The following UNC13C variants were observed in gnomAD, a reference collection of about 807,000 sequenced individuals.
The protein encoded by UNC13C is protein unc-13 homolog C.
Under a neutral mutation model 245.4 loss-of-function variants are expected in UNC13C, and 174 were observed. The ratio of observed to expected loss-of-function variants is 0.71; its 90% CI spans 0.63 to 0.80. The LOEUF is 0.80. UNC13C is among the 30% of genes least tolerant of loss of function. UNC13C has a pLI of 0.00. For synonymous variants in UNC13C, 992 were observed against 895.1 expected, an observed-to-expected ratio of 1.11 and a Z score of -1.93; for missense variants, 2,829 against 2,602.9, an observed-to-expected ratio of 1.09 and a Z score of -1.89.
intron 2 of UNC13C, among the ~76,000 whole-genome samples, chr15:54,023,953 CAG>C (rs1419865056): frequency 6.6e-6 from 1 of 152,140 alleles, no homozygotes; most frequent in Non-Finnish European, 1.5e-5. Context: ...TCTTCAAGCT[CAG>C]AGACATATTT....
At chr15:53,921,984 A>T in the UNC13C span, among the ~76,000 whole-genome samples, 14 of 152,316 alleles carry the variant, frequency 9.2e-5, no homozygotes, top group East Asian at 2.7e-3. Context: ...TGTGACTAGG[A>T]TTTCAAAAGT....
chr15:54,086,737 C>T (rs114128021), intron 2 of UNC13C, among the ~76,000 whole-genome samples: 25 of 92,006 alleles, frequency 2.7e-4, no homozygotes, highest in South Asian at 8.3e-4. Flanking sequence ...TATTTTCTTT[C>T]TTTTTTTTTT....
At chr15:54,161,927 T>G (rs1419852000) in intron 4 of UNC13C, among the ~76,000 whole-genome samples, 1 of 150,616 alleles carries the variant, frequency 6.6e-6, no homozygotes, top group Non-Finnish European at 1.5e-5. Flanking sequence ...CAGTCTGGGC[T>G]ACAGAGAGGG....
the UNC13C span, among the ~76,000 whole-genome samples, chr15:53,933,432 T>C: frequency 1.2e-4 from 18 of 152,206 alleles, no homozygotes; most frequent in African/African-American, 4.3e-4. Context: ...ATCAAAACGA[T>C]GGTATTACTA....
chr15:54,050,715 C>G, intron 2 of UNC13C: 1 of 563,630 alleles, frequency 1.8e-6, no homozygotes, highest in South Asian at 1.4e-5. Context: ...TAAATATCAT[C>G]AGGAAGCTTT....
intron 4 of UNC13C, among the ~76,000 whole-genome samples, chr15:54,184,767 C>G (rs899425458): frequency 6.6e-6 from 1 of 152,136 alleles, no homozygotes; most frequent in African/African-American, 2.4e-5. Context: ...ATTTATAATC[C>G]TTTGGGTATA....
intron 24 of UNC13C, among the ~76,000 whole-genome samples, chr15:54,522,429 G>T (rs1400916695): frequency 1.3e-5 from 2 of 152,032 alleles, no homozygotes; most frequent in Admixed American, 1.3e-4. Context: ...AGTGAGCCAA[G>T]ATCGGGCCAC....
chr15:54,119,624 A>G (rs2030524843), intron 2 of UNC13C, among the ~76,000 whole-genome samples: 1 of 152,306 alleles, frequency 6.6e-6, no homozygotes, highest in Non-Finnish European at 1.5e-5. Flanking sequence ...CTCACTTTAA[A>G]TTGAAAACTA....
intron 2 of UNC13C, among the ~76,000 whole-genome samples, chr15:54,075,298 A>T (rs1029171529): frequency 6.6e-6 from 1 of 152,040 alleles, no homozygotes; most frequent in Admixed American, 6.6e-5. Flanking sequence ...ACCCTGGCTA[A>T]CACGGCGAAA....
At chr15:53,966,292 G>A in the UNC13C span, among the ~76,000 whole-genome samples, 1 of 152,092 alleles carries the variant, frequency 6.6e-6, no homozygotes, top group African/African-American at 2.4e-5. Flanking sequence ...TCTATAACAA[G>A]GCACCTGATA....
chr15:54,183,466 C>T (rs2033866544), intron 4 of UNC13C, among the ~76,000 whole-genome samples: 1 of 151,422 alleles, frequency 6.6e-6, no homozygotes, highest in African/African-American at 2.4e-5. Flanking sequence ...CAAAAACTTT[C>T]ATATATATAT....
chr15:54,620,524 C>T (rs1596694364), intron 30 of UNC13C, among the ~76,000 whole-genome samples: 1 of 152,096 alleles, frequency 6.6e-6, no homozygotes, highest in Non-Finnish European at 1.5e-5. Context: ...ATTAGTTACT[C>T]GTGCTGCGAG....
At position 54,627,426 on chromosome 15, in the gene UNC13C, C is replaced by CATCA; in HGVS notation, c.*314_*317dup. 1 of 200,008 alleles carries CATCA rather than the reference C, an allele frequency of 5.0e-6. No homozygotes were observed. 12.4% of individuals were successfully genotyped at this position (200,008 alleles called of 1,614,324 possible). ...TAAAAACTAGTCTTTTGAGTTTGCC[C>CATCA]ATCAGTTGTCTTTGTTAAATGAGAT... On this transcript the variant is annotated 3_prime_UTR_variant, in exon 33 of 33. Transcript: ENST00000260323.
chr15:54,530,173 G>A (rs1305975189), intron 25 of UNC13C, among the ~76,000 whole-genome samples: 5 of 152,130 alleles, frequency 3.3e-5, no homozygotes, highest in African/African-American at 1.2e-4. Context: ...TAATTACCAT[G>A]TAAAAATTAT....
Position 54,018,937 on chromosome 15 carries a change from A to G in UNC13C, c.2983+3051A>G, listed in dbSNP as rs554374915. On this transcript the variant is annotated intron_variant, in intron 2 of 32. Coordinates refer to ENST00000260323, the MANE Select transcript of UNC13C (RefSeq NM_001080534.3). The stretch of plus-strand genomic sequence containing the variant: ...GGTGGGATACTAAATAAAAAAACAC[A>G]AACTTTAAAGTCAAATCCAAATTCA... Among the ~76,000 whole-genome samples the G allele has an allele frequency of 2.0e-5, 3 of 152,332 alleles. No homozygotes were observed. In the East Asian group the frequency reaches 5.8e-4, roughly 29 times the overall value.
intron 2 of UNC13C, among the ~76,000 whole-genome samples, chr15:54,075,082 A>G (rs905699090): frequency 2.0e-5 from 3 of 152,166 alleles, no homozygotes; most frequent in Non-Finnish European, 4.4e-5. Context: ...TGCAATTTCT[A>G]TATCTGTAAA....
intron 19 of UNC13C, among the ~76,000 whole-genome samples, chr15:54,487,788 AAGAC>A (rs1427190023): frequency 2.7e-4 from 21 of 77,402 alleles, no homozygotes; most frequent in Admixed American, 1.6e-4. Context: ...AAAAAAAAAA[AAGAC>A]AGAGAGAGAG....
chr15:54,166,688 AT>A (rs1294579523), intron 4 of UNC13C, among the ~76,000 whole-genome samples: 1 of 152,118 alleles, frequency 6.6e-6, no homozygotes, highest in Non-Finnish European at 1.5e-5. Context: ...ATCAAAATCA[AT>A]TTTTTTATCA....
At chr15:54,516,653 A>G (rs1894988657) in intron 24 of UNC13C, among the ~76,000 whole-genome samples, 1 of 152,178 alleles carries the variant, frequency 6.6e-6, no homozygotes, top group South Asian at 2.1e-4. Context: ...ACCAAAAATT[A>G]GCCAGGCATG....
Sources: gnomAD v4.1 joint callset for allele counts (sites outside exome capture counted in the v4.1 genomes callset) on GRCh38, gnomAD v4.1.1 for gene constraint, MANE v1.5 for transcripts, NCBI Gene and HGNC (gene_info 2026-07-23, HGNC 2026-07-21) for gene names.